KLF8: variants seen among roughly 807,000 people sequenced by gnomAD.
KLF8 encodes the protein KLF transcription factor 8.
Under a neutral mutation model 18.2 loss-of-function variants are expected in KLF8, and 10 were observed. That is an observed-to-expected ratio of 0.55 (90% CI 0.34 to 0.93). The LOEUF is 0.93. KLF8 is among the 40% of genes least tolerant of loss of function. KLF8 has a pLI of 0.02. For synonymous variants in KLF8, 109 were observed against 97.3 expected (o/e 1.12, Z -0.71); for missense variants, 264 against 277.9 (o/e 0.95, Z 0.36).
chrX:56,096,477 CAT>C, the KLF8 span, among the ~76,000 whole-genome samples: 2 of 111,076 alleles, frequency 1.8e-5, no homozygotes, highest in Non-Finnish European at 3.8e-5. Flanking sequence ...GAAATTTCTA[CAT>C]GTTTAAAATA....
At chrX:56,194,432 C>A in the KLF8 span, among the ~76,000 whole-genome samples, 1 of 112,089 alleles carries the variant, frequency 8.9e-6, no homozygotes, top group Non-Finnish European at 1.9e-5. Flanking sequence ...TGGCGAGTCC[C>A]AGACCCGCAG....
chrX:56,078,834 T>C, the KLF8 span, among the ~76,000 whole-genome samples: 1 of 111,372 alleles, frequency 9.0e-6, no homozygotes, highest in African/African-American at 3.3e-5. Flanking sequence ...GTTATTGGTC[T>C]ATTCAGAGAT....
chrX:55,952,408 C>G, the KLF8 span, among the ~76,000 whole-genome samples: 2 of 112,212 alleles, frequency 1.8e-5, no homozygotes, highest in Non-Finnish European at 3.8e-5. Context: ...GGTCAGAACG[C>G]CTAAAATCAA....
At chrX:56,078,067 T>C in the KLF8 span, among the ~76,000 whole-genome samples, 2 of 109,949 alleles carry the variant, frequency 1.8e-5, no homozygotes, top group Non-Finnish European at 3.8e-5. Flanking sequence ...TTTCCAGATA[T>C]TAAATCATGT....
the KLF8 span, among the ~76,000 whole-genome samples, chrX:55,940,170 T>G: frequency 8.9e-6 from 1 of 112,009 alleles, no homozygotes; most frequent in Non-Finnish European, 1.9e-5. Flanking sequence ...ATCAAAAAGC[T>G]AATCCACCAT....
At chrX:56,080,419 G>T in the KLF8 span, among the ~76,000 whole-genome samples, 1 of 110,774 alleles carries the variant, frequency 9.0e-6, no homozygotes, top group African/African-American at 3.3e-5. Context: ...GCTTAGTTTG[G>T]CTGGATATGA....
the KLF8 span, among the ~76,000 whole-genome samples, chrX:56,189,668 C>G: frequency 9.1e-6 from 1 of 110,352 alleles, no homozygotes; most frequent in Non-Finnish European, 1.9e-5. Context: ...GGCACATATA[C>G]ACCATGGAAT....
chrX:56,054,818 A>G, the KLF8 span, among the ~76,000 whole-genome samples: 2 of 110,562 alleles, frequency 1.8e-5, no homozygotes, highest in African/African-American at 3.3e-5. Context: ...GTTTCATTGA[A>G]CCCTTTACCA....
the KLF8 span, among the ~76,000 whole-genome samples, chrX:56,039,576 C>A: frequency 2.2e-4 from 24 of 111,413 alleles, no homozygotes; most frequent in Admixed American, 2.3e-3. Context: ...CTATTATATT[C>A]CATTGGTCAA....
the KLF8 span, among the ~76,000 whole-genome samples, chrX:56,127,265 GTA>G: frequency 3.6e-5 from 4 of 111,301 alleles, no homozygotes; most frequent in East Asian, 1.1e-3. Flanking sequence ...TGTATCCCTA[GTA>G]CTGAACAAAT....
At chrX:56,200,096 G>A in the KLF8 span, among the ~76,000 whole-genome samples, 1 of 111,011 alleles carries the variant, frequency 9.0e-6, no homozygotes, top group Non-Finnish European at 1.9e-5. Context: ...GTCTGGGGCT[G>A]GGGGAGGGAT....
the KLF8 span, among the ~76,000 whole-genome samples, chrX:56,221,427 C>A: frequency 1.8e-5 from 2 of 112,186 alleles, no homozygotes; most frequent in Admixed American, 1.9e-4. Context: ...GGATCCATGT[C>A]ATGTCCTATT....
At chrX:56,118,791 G>A in the KLF8 span, among the ~76,000 whole-genome samples, 207 of 112,047 alleles carry the variant, frequency 1.8e-3, 1 homozygote, top group Non-Finnish European at 3.4e-3. Flanking sequence ...GTTACATAAC[G>A]CAAGCTTTTT....
At chrX:55,941,277 C>G in the KLF8 span, among the ~76,000 whole-genome samples, 3 of 112,049 alleles carry the variant, frequency 2.7e-5, no homozygotes, top group African/African-American at 9.7e-5. Flanking sequence ...GGAAAGGATT[C>G]CCTATTTAAT....
At chrX:56,122,529 GT>G in the KLF8 span, among the ~76,000 whole-genome samples, 2 of 110,610 alleles carry the variant, frequency 1.8e-5, no homozygotes, top group Non-Finnish European at 3.8e-5. Flanking sequence ...AGATGAAGGA[GT>G]TTTTTCTGCT....
the KLF8 span, among the ~76,000 whole-genome samples, chrX:56,196,225 A>T: frequency 9.0e-6 from 1 of 111,482 alleles, no homozygotes; most frequent in Non-Finnish European, 1.9e-5. Flanking sequence ...AAGTAAACAC[A>T]TAAAAATATT....
chrX:56,212,238 G>A, the KLF8 span, among the ~76,000 whole-genome samples: 1 of 111,622 alleles, frequency 9.0e-6, no homozygotes, highest in East Asian at 2.8e-4. Flanking sequence ...TCAATTGAAA[G>A]GAAGGGGTTT....
At chrX:56,179,838 C>T in the KLF8 span, among the ~76,000 whole-genome samples, 5,393 of 111,429 alleles carry the variant, frequency 0.048, 150 homozygotes, top group Non-Finnish European at 0.08. Context: ...CCAGGGATGA[C>T]GCCAACTTGA....
intron 1 of KLF8, among the ~76,000 whole-genome samples, chrX:56,238,490 A>T (rs2066505883): frequency 8.9e-6 from 1 of 111,739 alleles, no homozygotes. Flanking sequence ...GAAAACAAAA[A>T]TTCTTCAATT....
Sources: allele counts gnomAD v4.1 joint callset (sites outside exome capture counted in the v4.1 genomes callset), GRCh38; gene constraint gnomAD v4.1.1; transcripts MANE v1.5; gene names NCBI Gene and HGNC (gene_info 2026-07-23, HGNC 2026-07-21).